The following TLN2 variants were observed in gnomAD, a reference collection of about 807,000 sequenced individuals.
The protein encoded by TLN2 is talin-2.
A neutral mutation model predicts 294.7 loss-of-function variants in TLN2; 118 were observed. The ratio of observed to expected loss-of-function variants is 0.40; its 90% confidence interval spans 0.34 to 0.47. TLN2 has a LOEUF of 0.47. Ranked by LOEUF, TLN2 falls within the 20% of genes least tolerant of loss-of-function variation. TLN2 has a pLI of 0.84. For missense variants in TLN2, 3,083 were observed against 3,282.2 expected (o/e 0.94, Z 1.48); for synonymous variants, 1,431 against 1,304.5 (o/e 1.10, Z -2.09).
intron 20 of TLN2, among the ~76,000 whole-genome samples, chr15:62,707,913 G>A (rs1386852015): frequency 2.0e-5 from 3 of 152,018 alleles, no homozygotes; most frequent in Admixed American, 6.5e-5. Flanking sequence ...GGAAATGTCC[G>A]TTTCTGGAAT....
intron 2 of TLN2, among the ~76,000 whole-genome samples, chr15:62,594,235 ATC>A (rs1338239150): frequency 6.6e-6 from 1 of 152,184 alleles, no homozygotes; most frequent in South Asian, 2.1e-4. Flanking sequence ...TGGAGACAGG[ATC>A]TCTCTCTGAC....
chr15:62,427,612 C>T (rs142511876), intron 1 of TLN2, among the ~76,000 whole-genome samples: 1,783 of 152,226 alleles, frequency 0.012, 15 homozygotes, highest in Non-Finnish European at 0.019. Flanking sequence ...CCTCCCCTTC[C>T]GCAGCAGCAT....
At chr15:62,707,767 C>T (rs971896537) in intron 20 of TLN2, among the ~76,000 whole-genome samples, 1 of 152,090 alleles carries the variant, frequency 6.6e-6, no homozygotes, top group African/African-American at 2.4e-5. Context: ...GAATCTGAGG[C>T]CCTTAGATGT....
chr15:62,731,775 A>T (rs1227610316), intron 28 of TLN2, among the ~76,000 whole-genome samples: 1 of 152,118 alleles, frequency 6.6e-6, no homozygotes, highest in Non-Finnish European at 1.5e-5. Context: ...GTGCCTTGGT[A>T]TTTCTCCAGT....
chr15:62,754,662 GA>G (rs1400276779), intron 36 of TLN2: 2 of 152,312 alleles, frequency 1.3e-5, no homozygotes, highest in African/African-American at 4.8e-5. Context: ...CCTGAACAAA[GA>G]AGGAAACACA....
At chr15:62,549,070 G>C (rs1159190175) in intron 1 of TLN2, among the ~76,000 whole-genome samples, 2 of 152,104 alleles carry the variant, frequency 1.3e-5, no homozygotes, top group African/African-American at 4.8e-5. Context: ...ATCCTCATCT[G>C]CTTTAGCTGT....
Position 62,673,881 on chromosome 15 carries a change from G to A in TLN2, c.843G>A (p.Arg281=). The change falls in exon 10 of 59, where the codon AGG becomes AGA. Residue 281 remains arginine, a synonymous_variant. Transcript: ENST00000636159. ...TCAAGCAGAGAGGAGCTGAAAAGAGGATCTTTCAGGTATTGGAAATGTACA... is the reference window on the plus strand; with the variant it reads ...TCAAGCAGAGAGGAGCTGAAAAGAGAATCTTTCAGGTATTGGAAATGTACA... ...EYIKQRGAEK[R]IFQEHKNCGE... is the part of the protein sequence containing the mutation. 1.9e-6 allele frequency: 3 copies of A among 1,612,736 alleles called. No individual in the cohort carries two copies. The highest frequency in any genetic ancestry group is 2.5e-6 in the Non-Finnish European group (3 of 1,179,094).
intron 22 of TLN2, 139 bp downstream of exon 22, chr15:62,712,216 C>A: frequency 3.8e-6 from 4 of 1,052,564 alleles, no homozygotes; most frequent in Non-Finnish European, 5.3e-6. Context: ...AACATCTAAC[C>A]CTGTTCTTGT....
At chr15:62,546,174 A>G (rs917021318) in intron 1 of TLN2, among the ~76,000 whole-genome samples, 6 of 152,176 alleles carry the variant, frequency 3.9e-5, no homozygotes, top group African/African-American at 1.4e-4. Flanking sequence ...TTCTGTCTTC[A>G]CTACCTCTGA....
chr15:62,764,062 C>T (rs568164298), intron 40 of TLN2, among the ~76,000 whole-genome samples: 1 of 152,258 alleles, frequency 6.6e-6, no homozygotes, highest in South Asian at 2.1e-4. Context: ...TCTCTGTTGT[C>T]GTATTTCATC....
intron 1 of TLN2, among the ~76,000 whole-genome samples, chr15:62,471,940 G>C (rs2439714): frequency 0.2 from 30,282 of 152,066 alleles, 3,604 homozygotes; most frequent in East Asian, 0.51. Context: ...TGCCCAGCTC[G>C]CAGTGGTGCA....
chr15:62,761,648 A>G (rs1322534186), intron 37 of TLN2, 33 bp from the exon 38 acceptor site: 6 of 1,613,544 alleles, frequency 3.7e-6, no homozygotes, highest in South Asian at 1.1e-5. Context: ...GTGCTTCTCA[A>G]TTGGGCAGAA....
Position 62,766,143 on chromosome 15 carries a change from C to T in TLN2, c.5095-178C>T, listed in dbSNP as rs2062989730. 2.6e-5 allele frequency among the ~76,000 whole-genome samples: 4 copies of T among 152,160 alleles called. No homozygotes were observed. In the South Asian group the frequency reaches 6.2e-4, roughly 24 times the overall value. On this transcript the variant is annotated intron_variant, in intron 40 of 58. Coordinates refer to ENST00000636159, the MANE Select transcript of TLN2 (RefSeq NM_015059.3). ...TCATGCCTGCTTCTTCTCTCTTTCT[C>T]GGGAGGAGTCATCACTGAGAAGGTC...
At chr15:62,600,456 T>C (rs1049752707) in intron 2 of TLN2, among the ~76,000 whole-genome samples, 5 of 152,192 alleles carry the variant, frequency 3.3e-5, no homozygotes, top group Non-Finnish European at 7.3e-5. Context: ...AGTAGCCTGC[T>C]GCTAAGCAGT....
At chr15:62,535,989 A>C (rs552771486) in intron 1 of TLN2, among the ~76,000 whole-genome samples, 40 of 152,326 alleles carry the variant, frequency 2.6e-4, no homozygotes, top group African/African-American at 8.7e-4. Context: ...GTTTTCACAA[A>C]TGTACTTTTG....
intron 1 of TLN2, among the ~76,000 whole-genome samples, chr15:62,404,977 A>G (rs1324908173): frequency 2.6e-5 from 4 of 152,158 alleles, no homozygotes; most frequent in Non-Finnish European, 5.9e-5. Context: ...GGGAAAACTC[A>G]GTGACTCGAG....
intron 14 of TLN2, among the ~76,000 whole-genome samples, chr15:62,696,384 C>T (rs2058336519): frequency 6.6e-6 from 1 of 152,202 alleles, no homozygotes; most frequent in Non-Finnish European, 1.5e-5. Context: ...TGCACTTATT[C>T]TTCATTCTAA....
intron 1 of TLN2, among the ~76,000 whole-genome samples, chr15:62,544,307 A>C (rs2041867699): frequency 6.6e-6 from 1 of 151,706 alleles, no homozygotes; most frequent in African/African-American, 2.4e-5. Context: ...AGCCTCCCAA[A>C]CTCATAGCGC....
intron 16 of TLN2, among the ~76,000 whole-genome samples, chr15:62,699,417 G>A (rs2058572582): frequency 1.3e-5 from 2 of 151,608 alleles, no homozygotes; most frequent in South Asian, 2.1e-4. Context: ...GGTAGGGCCT[G>A]AGATTTTGCA....
Sources: allele counts gnomAD v4.1 joint callset (sites outside exome capture counted in the v4.1 genomes callset), GRCh38; gene constraint gnomAD v4.1.1; transcripts MANE v1.5; gene names NCBI Gene and HGNC (gene_info 2026-07-23, HGNC 2026-07-21).